Variants in TUSC3 observed in about 807,000 individuals in gnomAD.
The protein encoded by TUSC3 is dolichyl-diphosphooligosaccharide--protein glycosyltransferase subunit TUSC3.
TUSC3 carries 45 observed loss-of-function variants against 44.8 expected under a neutral mutation model. That is an observed-to-expected ratio of 1.00 (90% CI 0.79 to 1.29). TUSC3 has a LOEUF of 1.29. TUSC3 is among the 50% of genes most tolerant of loss of function. The pLI, the probability that TUSC3 is intolerant of heterozygous loss-of-function variation, is 0.00. For missense variants in TUSC3, 519 were observed against 437.9 expected (o/e 1.19, Z -1.65); for synonymous variants, 212 against 152.9 (o/e 1.39, Z -2.85).
At chr8:15,780,382 T>A in the TUSC3 span, among the ~76,000 whole-genome samples, 5 of 152,148 alleles carry the variant, frequency 3.3e-5, no homozygotes, top group Admixed American at 2.0e-4. Context: ...AGGTTCCCCA[T>A]GGTTTGGCTC....
At chr8:15,710,620 C>A (rs1294343104) in intron 6 of TUSC3, among the ~76,000 whole-genome samples, 1 of 151,724 alleles carries the variant, frequency 6.6e-6, no homozygotes, top group African/African-American at 2.4e-5. Flanking sequence ...CTGAGCAAAC[C>A]CCCAGGCTAC....
At chr8:15,674,412 A>AT (rs1347189903) in intron 6 of TUSC3, among the ~76,000 whole-genome samples, 1 of 152,054 alleles carries the variant, frequency 6.6e-6, no homozygotes, top group Non-Finnish European at 1.5e-5. Context: ...ATAAATCAAC[A>AT]TAGAAACATA....
At chr8:15,667,498 T>C (rs12541380) in intron 5 of TUSC3, among the ~76,000 whole-genome samples, 68,812 of 151,228 alleles carry the variant, frequency 0.46, 16,313 homozygotes, top group Non-Finnish European at 0.52. Context: ...AAATTACTTA[T>C]AACTTGAAAA....
chr8:15,465,148 A>G (rs1398595048), intron 1 of TUSC3, among the ~76,000 whole-genome samples: 2 of 152,198 alleles, frequency 1.3e-5, no homozygotes, highest in South Asian at 2.1e-4. Flanking sequence ...TGCCTGGTCA[A>G]AGACTTCTAA....
At chr8:15,777,527 A>G in the TUSC3 span, among the ~76,000 whole-genome samples, 2 of 146,508 alleles carry the variant, frequency 1.4e-5, no homozygotes, top group African/African-American at 4.9e-5. Flanking sequence ...TAAGTAGGTA[A>G]GACAAGAAAG....
At chr8:15,628,997 C>A (rs932539533) in intron 2 of TUSC3, among the ~76,000 whole-genome samples, 1 of 152,114 alleles carries the variant, frequency 6.6e-6, no homozygotes, top group African/African-American at 2.4e-5. Flanking sequence ...AGCTAGATTT[C>A]CACAAGGGTG....
intron 2 of TUSC3, among the ~76,000 whole-genome samples, chr8:15,624,008 A>G (rs1369816897): frequency 6.6e-6 from 1 of 151,986 alleles, no homozygotes; most frequent in East Asian, 1.9e-4. Flanking sequence ...GGCAATCACT[A>G]GTCTGTTCTC....
At chr8:15,513,428 A>G (rs1801170291) in intron 2 of TUSC3, among the ~76,000 whole-genome samples, 1 of 152,164 alleles carries the variant, frequency 6.6e-6, no homozygotes, top group African/African-American at 2.4e-5. Context: ...AGAACTGCAG[A>G]CTGTAATTTA....
At chr8:15,523,708 G>GTATATATATATATATA (rs71211051) in intron 2 of TUSC3, among the ~76,000 whole-genome samples, 6 of 112,486 alleles carry the variant, frequency 5.3e-5, no homozygotes, top group East Asian at 4.5e-4. Flanking sequence ...GTGTGTGTGT[G>GTATATATATATATATA]TATATATATA....
chr8:15,513,720 G>C (rs1355914351), intron 2 of TUSC3, among the ~76,000 whole-genome samples: 2 of 152,078 alleles, frequency 1.3e-5, no homozygotes, highest in African/African-American at 4.8e-5. Context: ...ACACATTTTC[G>C]CTTCCAGTCA....
intron 1 of TUSC3, among the ~76,000 whole-genome samples, chr8:15,544,875 T>G (rs552540013): frequency 6.6e-6 from 1 of 151,826 alleles, no homozygotes; most frequent in Non-Finnish European, 1.5e-5. Context: ...GAAGCGTGAT[T>G]GGAAATAGCC....
chr8:15,802,073 T>C, the TUSC3 span, among the ~76,000 whole-genome samples: 5 of 152,186 alleles, frequency 3.3e-5, no homozygotes, highest in Non-Finnish European at 7.3e-5. Flanking sequence ...TGCCGTGCTG[T>C]TACACGTGAC....
intron 1 of TUSC3, among the ~76,000 whole-genome samples, chr8:15,429,253 C>G (rs1054423219): frequency 1.6e-4 from 25 of 152,152 alleles, no homozygotes; most frequent in African/African-American, 6.0e-4. Flanking sequence ...TTCTTTTTGT[C>G]AGGTGTGTCA....
chr8:15,822,344 C>A, the TUSC3 span, among the ~76,000 whole-genome samples: 1 of 152,096 alleles, frequency 6.6e-6, no homozygotes, highest in Non-Finnish European at 1.5e-5. Flanking sequence ...AGAGTTTGCA[C>A]TTTACAGATG....
At chr8:15,766,887 T>A (rs919982324), downstream of TUSC3, among the ~76,000 whole-genome samples, 15 of 152,070 alleles carry the variant, frequency 9.9e-5, no homozygotes, top group African/African-American at 3.4e-4. Context: ...ACATTGTGTT[T>A]TAAAAAGGAC....
At chr8:15,821,950 G>A in the TUSC3 span, among the ~76,000 whole-genome samples, 1 of 152,114 alleles carries the variant, frequency 6.6e-6, no homozygotes, top group South Asian at 2.1e-4. Context: ...TGACCTCTTG[G>A]GATGCCGTTG....
At chr8:15,793,364 T>C in the TUSC3 span, among the ~76,000 whole-genome samples, 25,340 of 152,042 alleles carry the variant, frequency 0.17, 2,161 homozygotes, top group Middle Eastern at 0.22. Context: ...CCACTCCTTT[T>C]CCCCTGTACT....
chr8:15,567,524 C>G (rs568102491), intron 1 of TUSC3, among the ~76,000 whole-genome samples: 7 of 152,246 alleles, frequency 4.6e-5, no homozygotes, highest in African/African-American at 1.7e-4. Context: ...TATCATAATC[C>G]TGACAGGTCT....
the TUSC3 span, among the ~76,000 whole-genome samples, chr8:15,791,891 G>C: frequency 6.6e-6 from 1 of 152,124 alleles, no homozygotes; most frequent in Non-Finnish European, 1.5e-5. Context: ...TCATCCAAGA[G>C]GCCAACCTGC....
Sources: allele counts gnomAD v4.1 joint callset (sites outside exome capture counted in the v4.1 genomes callset), GRCh38; gene constraint gnomAD v4.1.1; transcripts MANE v1.5; gene names NCBI Gene and HGNC (gene_info 2026-07-23, HGNC 2026-07-21).